The following NAT1 variants were observed in gnomAD, a reference collection of about 807,000 sequenced individuals.
The protein encoded by NAT1 is arylamine N-acetyltransferase 1.
For synonymous variants in NAT1, 144 were observed against 122.6 expected (o/e 1.17, Z -1.16); for missense variants, 400 against 339.2 (o/e 1.18, Z -1.41).
chr8:18,192,536 C>T (rs1243607676), intron 2 of NAT1, among the ~76,000 whole-genome samples: 1 of 152,172 alleles, frequency 6.6e-6, no homozygotes, highest in Non-Finnish European at 1.5e-5. Context: ...AAGACACATG[C>T]ACACCTATGT....
intron 2 of NAT1, among the ~76,000 whole-genome samples, chr8:18,195,997 A>G (rs1413233970): frequency 1.3e-5 from 2 of 152,210 alleles, no homozygotes; most frequent in African/African-American, 4.8e-5. Context: ...TGGGGTACAC[A>G]GAGGTGAAGT....
intron 2 of NAT1, among the ~76,000 whole-genome samples, chr8:18,192,468 G>C (rs1803035112): frequency 6.6e-6 from 1 of 152,178 alleles, no homozygotes; most frequent in Non-Finnish European, 1.5e-5. Context: ...AATACCATGT[G>C]ACCCAGCCAT....
intron 2 of NAT1, among the ~76,000 whole-genome samples, chr8:18,184,460 C>A (rs1055788928): frequency 5.9e-5 from 9 of 152,186 alleles, no homozygotes; most frequent in African/African-American, 2.2e-4. Context: ...CCTTTGGGAT[C>A]ATTCTCCCAC....
In NAT1 at chr8:18,219,523, CT is replaced by C. The variant is rs1026802537; in HGVS notation, c.-7+36del. 3 of 1,276,372 alleles carry C rather than the reference CT, an allele frequency of 2.4e-6. No individual in the cohort carries two copies. In the African/African-American group the frequency reaches 4.5e-5, roughly 19 times the overall value. The allele number at this position is 1,276,372 out of a possible 1,614,324, so 79.1% of individuals were successfully genotyped here. A position where few individuals can be genotyped will look rare whatever the true frequency, so the allele number is the denominator to read the frequency against. On this transcript the variant is annotated intron_variant, in intron 2 of 2. Transcript: ENST00000307719. ...CGCCTTTCTGAGAGCTCTCAGTGGG[CT>C]TCCTAAGCACGTTCACTCTGCCTCC...
At chr8:18,197,725 C>G (rs1205511337) in intron 2 of NAT1, among the ~76,000 whole-genome samples, 1 of 152,100 alleles carries the variant, frequency 6.6e-6, no homozygotes, top group Non-Finnish European at 1.5e-5. Flanking sequence ...GAAGGGCACC[C>G]TAATCTCAGT....
chr8:18,171,710 G>T (rs1802103392), intron 2 of NAT1, among the ~76,000 whole-genome samples: 1 of 152,098 alleles, frequency 6.6e-6, no homozygotes, highest in Admixed American at 6.5e-5. Context: ...GCAGACAAAA[G>T]GACAAACCAG....
rs1477390658 is a variant in NAT1, at chr8:18,216,581, C to G, written c.-85-2830C>G. 2.6e-5 allele frequency among the ~76,000 whole-genome samples: 4 copies of G among 152,268 alleles called. No individual in the cohort carries two copies. The East Asian group carries it at 5.8e-4, about 22-fold the overall frequency. ...GACCCATCTGTATACCATTCTATCTCAGCATTATCCAGTGGCATCGCTTAT... is the reference window on the plus strand; with the variant it reads ...GACCCATCTGTATACCATTCTATCTGAGCATTATCCAGTGGCATCGCTTAT... On this transcript the variant is annotated intron_variant, in intron 1 of 2. Coordinates refer to ENST00000307719, the MANE Select transcript of NAT1 (RefSeq NM_000662.8).
chr8:18,201,215 A>G (rs1317649600), intron 2 of NAT1: 1 of 152,212 alleles, frequency 6.6e-6, no homozygotes, highest in African/African-American at 2.4e-5. Flanking sequence ...TTTAGTAATT[A>G]TGAGTAATCA....
rs200857632 is a variant in NAT1 at position 18,222,427 on chromosome 8, G to T, written c.380G>T (p.Arg127Leu). The T allele has an allele frequency of 5.0e-6, 8 of 1,613,902 alleles. No homozygotes were observed. The highest frequency in any genetic ancestry group is 5.9e-6 in the Non-Finnish European group (7 of 1,179,992). ...RNYIVDAGFG[R>L]SYQMWQPLEL... ...TACATTGTCGATGCTGGGTTTGGAC[G>T]CTCATACCAGATGTGGCAGCCTCTG... Residue 127 changes from arginine (R) to leucine (L), a missense_variant, in exon 3 of 3, where the codon CGC becomes CTC. Arg to Leu is a moderately radical substitution (Grantham distance 102, BLOSUM62 -2). Transcript: ENST00000307719.
intron 2 of NAT1, among the ~76,000 whole-genome samples, chr8:18,197,485 T>A (rs1314646103): frequency 2.6e-5 from 4 of 152,154 alleles, no homozygotes; most frequent in African/African-American, 7.2e-5. Context: ...GTAGTGCTAT[T>A]GGCATCTAGT....
chr8:18,180,898 G>A (rs913076803), intron 2 of NAT1, among the ~76,000 whole-genome samples: 1 of 152,142 alleles, frequency 6.6e-6, no homozygotes, highest in Non-Finnish European at 1.5e-5. Flanking sequence ...TGCTGCTTTG[G>A]TTGCTATAGC....
At chr8:18,195,272 A>G (rs186796515) in intron 2 of NAT1, among the ~76,000 whole-genome samples, 1 of 152,318 alleles carries the variant, frequency 6.6e-6, no homozygotes, top group East Asian at 1.9e-4. Flanking sequence ...ACTTCTGGTT[A>G]GTGAGAGTGA....
At chr8:18,170,955 G>A (rs1226761564) in intron 2 of NAT1, among the ~76,000 whole-genome samples, 2 of 151,850 alleles carry the variant, frequency 1.3e-5, no homozygotes, top group African/African-American at 2.4e-5. Flanking sequence ...AAGAGGCCAG[G>A]CATCTGATTA....
chr8:18,201,724 G>T (rs760755072), intron 2 of NAT1, among the ~76,000 whole-genome samples: 1 of 152,150 alleles, frequency 6.6e-6, no homozygotes, highest in African/African-American at 2.4e-5. Flanking sequence ...TGGAAGCATC[G>T]CACTGGCTAG....
chr8:18,202,631 C>T (rs141016288), intron 2 of NAT1, among the ~76,000 whole-genome samples: 148 of 151,946 alleles, frequency 9.7e-4, no homozygotes, highest in African/African-American at 3.4e-3. Context: ...TCGCAGTGAG[C>T]GTTACAGCTA....
At chr8:18,174,958 G>A (rs1802232887) in intron 2 of NAT1, among the ~76,000 whole-genome samples, 1 of 152,112 alleles carries the variant, frequency 6.6e-6, no homozygotes, top group African/African-American at 2.4e-5. Context: ...CTCAGAACAA[G>A]TATGTACAAC....
At chr8:18,216,915 A>C in intron 1 of NAT1, 1 of 1,551,212 alleles carries the variant, frequency 6.4e-7, no homozygotes, top group South Asian at 1.2e-5. Flanking sequence ...ACTCTTACAC[A>C]AGGAGGCAGC....
chr8:18,222,471 G>T lies in NAT1; in HGVS notation c.424G>T (p.Asp142Tyr), dbSNP rs770983742. 5 of 1,614,092 alleles carry T rather than the reference G, an allele frequency of 3.1e-6. No homozygotes were observed. In the South Asian group the frequency reaches 5.5e-5, roughly 18 times the overall value. The change falls in exon 3 of 3, where the codon GAT (aspartate) becomes TAT (tyrosine). Residue 142 changes from aspartate to tyrosine, a missense_variant. Asp to Tyr is a radical substitution (Grantham distance 160, BLOSUM62 -3). Transcript: ENST00000307719. ...GCCTCTGGAGTTAATTTCTGGGAAGGATCAGCCTCAGGTGCCTTGTGTCTT... is the reference window on the plus strand; with the variant it reads ...GCCTCTGGAGTTAATTTCTGGGAAGTATCAGCCTCAGGTGCCTTGTGTCTT... Reference protein sequence around the residue: ...WQPLELISGKDQPQVPCVFRL... With the variant: ...WQPLELISGKYQPQVPCVFRL...
At chr8:18,178,816 C>A (rs1802391721) in intron 2 of NAT1, among the ~76,000 whole-genome samples, 3 of 152,076 alleles carry the variant, frequency 2.0e-5, no homozygotes, top group African/African-American at 7.2e-5. Flanking sequence ...TCTATGGGCT[C>A]CATTCAGTTT....
Sources: gnomAD v4.1 joint callset for allele counts (sites outside exome capture counted in the v4.1 genomes callset) on GRCh38, gnomAD v4.1.1 for gene constraint, MANE v1.5 for transcripts, NCBI Gene and HGNC (gene_info 2026-07-23, HGNC 2026-07-21) for gene names.